SHANK2: variants seen among roughly 807,000 people sequenced by gnomAD.
SHANK2 encodes SH3 and multiple ankyrin repeat domains protein 2.
SHANK2 carries 43 observed loss-of-function variants against 133.7 expected under a neutral mutation model. That is an observed-to-expected ratio of 0.32 (90% CI 0.25 to 0.41). The LOEUF is 0.41. Among genes scored for constraint, SHANK2 ranks in the 10% least tolerant of loss-of-function variants. The probability of loss-of-function intolerance (pLI) is 1.00; values close to 1 mark genes in which losing one functional copy is unlikely to be tolerated. For synonymous variants in SHANK2, 1,017 were observed against 952.8 expected, an observed-to-expected ratio of 1.07 and a Z score of -1.24; for missense variants, 1,994 against 2,235.8, an observed-to-expected ratio of 0.89 and a Z score of 2.18.
chr11:70,890,997 T>C (rs938300869), intron 11 of SHANK2, among the ~76,000 whole-genome samples: 7 of 149,992 alleles, frequency 4.7e-5, no homozygotes, highest in Admixed American at 3.3e-4. Context: ...CACGGGAAGA[T>C]GGTGACCACA....
chr11:70,524,466 G>A (rs1412508954), intron 17 of SHANK2, among the ~76,000 whole-genome samples: 2 of 152,216 alleles, frequency 1.3e-5, no homozygotes, highest in Non-Finnish European at 2.9e-5. Flanking sequence ...CTCGGATGCA[G>A]CTAAGACCTT....
intron 5 of SHANK2, among the ~76,000 whole-genome samples, chr11:71,110,288 A>G (rs1454365914): frequency 6.6e-6 from 1 of 152,116 alleles, no homozygotes; most frequent in African/African-American, 2.4e-5. Flanking sequence ...AATACAAAAA[A>G]TTAGTCAGGC....
intron 17 of SHANK2, among the ~76,000 whole-genome samples, chr11:70,598,730 G>A (rs543739156): frequency 2.0e-5 from 3 of 152,198 alleles, no homozygotes; most frequent in African/African-American, 2.4e-5. Context: ...ATGACAAGTC[G>A]GGTTTATCTT....
chr11:71,066,251 C>T (rs1400839973), intron 9 of SHANK2, among the ~76,000 whole-genome samples: 2 of 7,382 alleles, frequency 2.7e-4, no homozygotes. Context: ...GGGAAGTTGG[C>T]GGGGGAGGGT....
intron 11 of SHANK2, among the ~76,000 whole-genome samples, chr11:70,828,981 G>C (rs1037598440): frequency 1.1e-4 from 16 of 152,254 alleles, no homozygotes; most frequent in East Asian, 3.9e-4. Flanking sequence ...GGTGTGGGGA[G>C]AGCCTGCACG....
intron 2 of SHANK2, among the ~76,000 whole-genome samples, chr11:71,171,056 A>T (rs191737396): frequency 6.6e-6 from 1 of 152,300 alleles, no homozygotes; most frequent in African/African-American, 2.4e-5. Context: ...GTAGACGGCC[A>T]ACTTCTAGCT....
At chr11:70,599,925 A>AAAAGAAAGAAAGAAAG (rs1565166518) in intron 17 of SHANK2, among the ~76,000 whole-genome samples, 43 of 114,000 alleles carry the variant, frequency 3.8e-4, no homozygotes, top group African/African-American at 1.4e-3. Context: ...GAAAGAAAGA[A>AAAAGAAAGAAAGAAAG]AGAAAGAAAG....
At chr11:71,153,158 G>C (rs1275941051) in intron 2 of SHANK2, among the ~76,000 whole-genome samples, 8 of 152,122 alleles carry the variant, frequency 5.3e-5, no homozygotes, top group African/African-American at 1.4e-4. Flanking sequence ...TCCGCAGAGA[G>C]AATGAAAGCA....
chr11:70,695,452 A>G (rs1027910656), intron 15 of SHANK2, among the ~76,000 whole-genome samples: 34 of 152,338 alleles, frequency 2.2e-4, no homozygotes, highest in African/African-American at 7.7e-4. Context: ...AAGACCACGT[A>G]GTGGCTGATT....
chr11:71,138,669 A>T (rs1209131605), intron 3 of SHANK2, among the ~76,000 whole-genome samples: 1 of 151,822 alleles, frequency 6.6e-6, no homozygotes. Flanking sequence ...AGAAAAAAAA[A>T]TCCCAGTGTG....
chr11:71,197,472 G>A (rs1435922946), intron 2 of SHANK2, among the ~76,000 whole-genome samples: 5 of 152,186 alleles, frequency 3.3e-5, no homozygotes, highest in African/African-American at 9.7e-5. Flanking sequence ...GGCCTCCCTG[G>A]TGCCAGGCAA....
chr11:71,085,873 ATATT>A lies in SHANK2; in HGVS notation c.912+6545_912+6548del, dbSNP rs1951393190. ...ATATATTGTTATTTTAATATATTATATATTTATATAACCTTAATATATATATTAA... is the reference window on the plus strand; with the variant it reads ...ATATATTGTTATTTTAATATATTATATATATAACCTTAATATATATATTAA... On this transcript the variant is annotated intron_variant, in intron 8 of 25. Coordinates refer to ENST00000601538, the MANE Select transcript of SHANK2 (RefSeq NM_012309.5). 0.021 allele frequency among the ~76,000 whole-genome samples: 3 copies of A among 142 alleles called. No individual in the cohort carries two copies. In the East Asian group the frequency reaches 0.38, roughly 18 times the overall value. The allele number at this position is 142 out of a possible 152,430, so 0.1% of individuals were successfully genotyped here.
chr11:71,121,614 G>T (rs1463654353), intron 3 of SHANK2, among the ~76,000 whole-genome samples: 2 of 152,046 alleles, frequency 1.3e-5, no homozygotes, highest in Non-Finnish European at 2.9e-5. Flanking sequence ...CATTGTTTTT[G>T]GTGTTTTAGT....
At chr11:70,859,441 G>A (rs922048698) in intron 11 of SHANK2, among the ~76,000 whole-genome samples, 1 of 152,068 alleles carries the variant, frequency 6.6e-6, no homozygotes. Flanking sequence ...TAAGCGTGTG[G>A]GTGGATGGAT....
intron 11 of SHANK2, among the ~76,000 whole-genome samples, chr11:70,875,285 C>CA (rs1949540093): frequency 6.6e-6 from 1 of 152,048 alleles, no homozygotes; most frequent in East Asian, 1.9e-4. Flanking sequence ...ACTCCGCCCC[C>CA]AGTAGAGCTC....
At chr11:70,853,563 T>A (rs192140387) in intron 11 of SHANK2, among the ~76,000 whole-genome samples, 1 of 152,216 alleles carries the variant, frequency 6.6e-6, no homozygotes, top group East Asian at 1.9e-4. Flanking sequence ...TCCCAACAGC[T>A]CCACCAGCCC....
intron 11 of SHANK2, among the ~76,000 whole-genome samples, chr11:70,825,143 G>T (rs1411306462): frequency 6.6e-6 from 1 of 152,170 alleles, no homozygotes; most frequent in African/African-American, 2.4e-5. Flanking sequence ...GTAACTGGGG[G>T]AGGTATGCAT....
chr11:70,772,330 C>T (rs1947268384), intron 14 of SHANK2, among the ~76,000 whole-genome samples: 1 of 151,458 alleles, frequency 6.6e-6, no homozygotes, highest in Non-Finnish European at 1.5e-5. Context: ...ATCCTAGCTA[C>T]TCGGGAGGCT....
intron 14 of SHANK2, among the ~76,000 whole-genome samples, chr11:70,779,112 G>A (rs1254564974): frequency 6.6e-6 from 1 of 152,236 alleles, no homozygotes; most frequent in Non-Finnish European, 1.5e-5. Context: ...AAAGGAACCT[G>A]AAATAACACA....
Sources: gnomAD v4.1 joint callset for allele counts (sites outside exome capture counted in the v4.1 genomes callset) on GRCh38, gnomAD v4.1.1 for gene constraint, MANE v1.5 for transcripts, NCBI Gene and HGNC (gene_info 2026-07-23, HGNC 2026-07-21) for gene names.